CACNB2: variants seen among roughly 807,000 people sequenced by gnomAD.
CACNB2 encodes voltage-dependent L-type calcium channel subunit beta-2.
In CACNB2, 42 loss-of-function variants were observed where a neutral mutation model predicts 73.3. The observed-to-expected ratio is 0.57, with a 90% CI of 0.45 to 0.74. The LOEUF (loss-of-function observed/expected upper bound fraction) is 0.74. Among genes scored for constraint, CACNB2 ranks in the 30% least tolerant of loss-of-function variants. CACNB2 has a pLI of 0.00. For missense variants in CACNB2, 940 were observed against 853.0 expected (o/e 1.10, Z -1.27); for synonymous variants, 348 against 310.3 (o/e 1.12, Z -1.28).
chr10:18,210,849 A>G (rs1452159910), intron 2 of CACNB2, among the ~76,000 whole-genome samples: 2 of 152,156 alleles, frequency 1.3e-5, no homozygotes, highest in Admixed American at 1.3e-4. Context: ...TGGAAAGTGG[A>G]GTGGTAGTTG....
intron 10 of CACNB2, among the ~76,000 whole-genome samples, chr10:18,529,707 G>T (rs2052806682): frequency 6.6e-6 from 1 of 152,158 alleles, no homozygotes; most frequent in African/African-American, 2.4e-5. Context: ...GACAGAGAGA[G>T]GCAGGCATAA....
chr10:18,353,588 A>G lies in CACNB2; in HGVS notation c.214-48336A>G, dbSNP rs563629108. Reference sequence around the variant, plus strand: ...TCTACGTTGATTCAGTATAAGGTACACATCAAAGTAAAATTAACCAAAGAC... The same window carrying G: ...TCTACGTTGATTCAGTATAAGGTACGCATCAAAGTAAAATTAACCAAAGAC... On this transcript the variant is annotated intron_variant, in intron 2 of 13. Coordinates refer to ENST00000324631, the MANE Select transcript of CACNB2 (RefSeq NM_201596.3). Among the ~76,000 whole-genome samples, 4 of 152,320 alleles carry G rather than the reference A, an allele frequency of 2.6e-5. No individual in the cohort carries two copies. In the East Asian group the frequency reaches 7.7e-4, roughly 29 times the overall value.
rs562087754 is a variant in CACNB2 at position 18,430,119 on chromosome 10, T to C, written c.333+28076T>C. On this transcript the variant is annotated intron_variant, in intron 3 of 13. Transcript: ENST00000324631. The stretch of plus-strand genomic sequence containing the variant: ...TACAATTATTTACTTAAGCAGAAAA[T>C]CAAGAAGATGTTAAAAAAAAAAAAA... Among the ~76,000 whole-genome samples the C allele has an allele frequency of 1.4e-4, 16 of 114,296 alleles. No individual in the cohort carries two copies. The East Asian group carries it at 4.4e-3, about 32-fold the overall frequency. 75.0% of individuals were successfully genotyped at this position (114,296 alleles called of 152,430 possible). A position where few individuals can be genotyped will look rare whatever the true frequency, so the allele number is the denominator to read the frequency against.
intron 3 of CACNB2, among the ~76,000 whole-genome samples, chr10:18,494,081 A>G (rs567240929): frequency 5.0e-4 from 76 of 152,310 alleles, no homozygotes; most frequent in African/African-American, 1.7e-3. Flanking sequence ...TTCCAACTTA[A>G]CATCTTAATC....
At chr10:18,490,097 C>G (rs951279323) in intron 3 of CACNB2, among the ~76,000 whole-genome samples, 19 of 152,090 alleles carry the variant, frequency 1.2e-4, no homozygotes, top group African/African-American at 4.6e-4. Flanking sequence ...TGGCTGGTCT[C>G]AAACTCCTCG....
intron 2 of CACNB2, among the ~76,000 whole-genome samples, chr10:18,347,477 C>T (rs1375945239): frequency 2.0e-5 from 3 of 151,282 alleles, no homozygotes; most frequent in African/African-American, 7.3e-5. Flanking sequence ...AGGCTTGAGC[C>T]ACCATGCCCA....
intron 2 of CACNB2, among the ~76,000 whole-genome samples, chr10:18,184,224 G>A (rs2034034956): frequency 1.3e-5 from 2 of 152,196 alleles, no homozygotes; most frequent in Non-Finnish European, 2.9e-5. Context: ...ACCTGCAAGA[G>A]AAAGACAGGA....
intron 2 of CACNB2, among the ~76,000 whole-genome samples, chr10:18,310,376 T>C (rs1462368733): frequency 2.0e-5 from 3 of 150,930 alleles, no homozygotes; most frequent in Non-Finnish European, 4.4e-5. Flanking sequence ...GAGGCTGAGG[T>C]GGGCGGGTCA....
chr10:18,141,318 T>A, intron 1 of CACNB2: 8 of 1,032,384 alleles, frequency 7.7e-6, no homozygotes, highest in Middle Eastern at 3.0e-4. Context: ...GGTGTGAGGA[T>A]GATGGGGTGC....
At chr10:18,389,930 A>G (rs868351861) in intron 2 of CACNB2, among the ~76,000 whole-genome samples, 9 of 152,142 alleles carry the variant, frequency 5.9e-5, no homozygotes, top group Middle Eastern at 3.2e-3. Context: ...TCCTTTATTT[A>G]TATCAATTCA....
chr10:18,141,095 G>T (rs954361119), intron 1 of CACNB2: 10 of 1,549,082 alleles, frequency 6.5e-6, no homozygotes, highest in Admixed American at 3.9e-5. Flanking sequence ...AAGGGCGGGG[G>T]AGACCTGCCA....
At position 18,539,703 on chromosome 10, in the gene CACNB2, G is replaced by T. The variant is rs915270594; in HGVS notation, c.1962G>T (p.Arg654Ser). Reference protein sequence around the residue: ...KKRNEAGEWNRDVYIRQ With the variant: ...KKRNEAGEWNSDVYIRQ The stretch of plus-strand genomic sequence containing the variant: ...GGAATGAGGCTGGGGAGTGGAACAG[G>T]GATGTTTACATCCGCCAATGAGTTT... The change falls in exon 14 of 14, where the codon AGG becomes AGT. Residue 654 changes from arginine (R) to serine (S), a missense_variant. Physicochemically the swap from Arg to Ser is moderately radical, Grantham distance 110. Transcript: ENST00000324631. 2 of 1,611,174 alleles carry T rather than the reference G, an allele frequency of 1.2e-6. No homozygotes were observed. The highest frequency in any genetic ancestry group is 1.1e-5 in the South Asian group (1 of 90,618).
intron 2 of CACNB2, among the ~76,000 whole-genome samples, chr10:18,274,218 G>A (rs1564395635): frequency 9.0e-6 from 1 of 110,580 alleles, no homozygotes; most frequent in Non-Finnish European, 1.8e-5. Flanking sequence ...GAAAATAAAT[G>A]TCAGTCCAGA....
At chr10:18,236,971 T>C (rs779423831) in intron 2 of CACNB2, among the ~76,000 whole-genome samples, 1 of 152,210 alleles carries the variant, frequency 6.6e-6, no homozygotes, top group Non-Finnish European at 1.5e-5. Flanking sequence ...TTCATGGGCC[T>C]GTAGTACTAT....
intron 3 of CACNB2, among the ~76,000 whole-genome samples, chr10:18,456,167 T>C (rs2047268150): frequency 6.6e-6 from 1 of 152,186 alleles, no homozygotes; most frequent in Non-Finnish European, 1.5e-5. Flanking sequence ...GCCTCTCCCT[T>C]AAGAAACTTC....
At chr10:18,222,926 G>A (rs567104478) in intron 2 of CACNB2, among the ~76,000 whole-genome samples, 2 of 152,296 alleles carry the variant, frequency 1.3e-5, no homozygotes, top group South Asian at 4.1e-4. Flanking sequence ...GACAGAGTGA[G>A]ACTCCATCTC....
At chr10:18,294,448 G>A (rs1386869744) in intron 2 of CACNB2, among the ~76,000 whole-genome samples, 4 of 152,194 alleles carry the variant, frequency 2.6e-5, no homozygotes, top group African/African-American at 4.8e-5. Flanking sequence ...TACCGAGGAC[G>A]CAGTGAAAAA....
intron 3 of CACNB2, among the ~76,000 whole-genome samples, chr10:18,410,327 T>C (rs545020392): frequency 1.2e-3 from 188 of 152,330 alleles, no homozygotes; most frequent in African/African-American, 3.9e-3. Flanking sequence ...ATTAGTTCAG[T>C]TGACCATGTT....
chr10:18,401,023 G>A lies in CACNB2; in HGVS notation c.214-901G>A, dbSNP rs757667676. 3.7e-6 allele frequency: 6 copies of A among 1,614,128 alleles called. No homozygotes were observed. The East Asian group carries it at 1.3e-4, about 36-fold the overall frequency. On this transcript the variant is annotated intron_variant, in intron 2 of 13. Transcript: ENST00000324631. ...TGCAGCTGCGGACGATAAAGGCGCTGTCTGGCTCATGAAGGCCACCTGGAT... is the reference window on the plus strand; with the variant it reads ...TGCAGCTGCGGACGATAAAGGCGCTATCTGGCTCATGAAGGCCACCTGGAT...
Sources: allele counts gnomAD v4.1 joint callset (sites outside exome capture counted in the v4.1 genomes callset), GRCh38; gene constraint gnomAD v4.1.1; transcripts MANE v1.5; gene names NCBI Gene and HGNC (gene_info 2026-07-23, HGNC 2026-07-21).